H6PD: variants seen among roughly 807,000 people sequenced by gnomAD.
The protein encoded by H6PD is GDH/6PGL endoplasmic bifunctional protein.
A neutral mutation model predicts 61.2 loss-of-function variants in H6PD; 48 were observed. The observed-to-expected ratio is 0.78, with a 90% CI of 0.62 to 1.00. H6PD has a LOEUF of 1.00. Among genes scored for constraint, H6PD ranks in the 50% least tolerant of loss-of-function variants. The pLI is 0.00. For synonymous variants in H6PD, 480 were observed against 457.9 expected (o/e 1.05, Z -0.62); for missense variants, 1,093 against 1,065.0 (o/e 1.03, Z -0.37).
At position 9,264,669 on chromosome 1, in the gene H6PD, C is replaced by T; in HGVS notation, c.2176C>T (p.His726Tyr). Reference sequence around the variant, plus strand: ...GCTGACCACGAGCCCCTCCCAGCCACACCGCCGCATGAGCCTTAGCCTGCC... The same window carrying T: ...GCTGACCACGAGCCCCTCCCAGCCATACCGCCGCATGAGCCTTAGCCTGCC... The part of the protein sequence containing the change: ...VVLTTSPSQP[H>Y]RRMSLSLPLI... The change falls in exon 5 of 5, where the codon CAC (histidine) becomes TAC (tyrosine). Residue 726 changes from histidine (H) to tyrosine (Y), a missense_variant. Physicochemically the swap from His to Tyr is moderately conservative, Grantham distance 83. Coordinates refer to ENST00000377403, the MANE Select transcript of H6PD (RefSeq NM_004285.4). 2 of 1,613,248 alleles carry T rather than the reference C, an allele frequency of 1.2e-6. No homozygotes were observed. The highest frequency in any genetic ancestry group is 1.7e-6 in the Non-Finnish European group (2 of 1,179,978).
chr1:9,259,800 G>C (rs539551532), intron 3 of H6PD, among the ~76,000 whole-genome samples: 33 of 149,926 alleles, frequency 2.2e-4, no homozygotes, highest in African/African-American at 7.5e-4. Flanking sequence ...TTGTTATGTT[G>C]CTGTTGTTAC....
At position 9,262,296 on chromosome 1, in the gene H6PD, A is replaced by G. The variant is rs1328104017; in HGVS notation, c.983A>G (p.Asp328Gly). 3 of 1,607,686 alleles carry G rather than the reference A, an allele frequency of 1.9e-6. No individual in the cohort carries two copies. Among genetic ancestry groups the G allele is most frequent in the Non-Finnish European group, 2.5e-6 (3 of 1,177,260 alleles). The change falls in exon 4 of 5, where the codon GAC becomes GGC. Residue 328 changes from aspartate to glycine, a missense_variant. Transcript: ENST00000377403. ...EQVRRELQKPDSFHSLTPTFA... is the reference protein window; with the variant it reads ...EQVRRELQKPGSFHSLTPTFA... ...GTGCGCAGAGAGCTGCAGAAGCCAG[A>G]CAGCTTCCACAGCCTGACGCCGACC...
intron 1 of H6PD, among the ~76,000 whole-genome samples, chr1:9,243,759 G>A (rs1034477889): frequency 2.1e-4 from 30 of 144,638 alleles, no homozygotes; most frequent in Non-Finnish European, 3.9e-4. Flanking sequence ...TTGCTTACCT[G>A]GGAGAGGTTG....
chr1:9,247,225 C>G (rs936889407), intron 3 of H6PD, 142 bp downstream of exon 3: 1 of 669,976 alleles, frequency 1.5e-6, no homozygotes. Flanking sequence ...AGCTCTGAAC[C>G]GGGCTAAACC....
chr1:9,244,293 G>T (rs1471724025), intron 1 of H6PD, among the ~76,000 whole-genome samples: 1 of 152,192 alleles, frequency 6.6e-6, no homozygotes, highest in Non-Finnish European at 1.5e-5. Flanking sequence ...CCCATTTCAG[G>T]TGAGAAAACT....
Position 9,263,815 on chromosome 1 carries a change from G to A in H6PD, c.1322G>A (p.Ser441Asn). The A allele has an allele frequency of 6.2e-7, 1 of 1,613,950 alleles. No homozygotes were observed. Among genetic ancestry groups the A allele is most frequent in the Non-Finnish European group, 8.5e-7 (1 of 1,180,012 alleles). The change falls in exon 5 of 5, where the codon AGC (serine) becomes AAC (asparagine). Residue 441 changes from serine (S) to asparagine (N), a missense_variant. Physicochemically the swap from Ser to Asn is conservative, Grantham distance 46. Coordinates refer to ENST00000377403, the MANE Select transcript of H6PD (RefSeq NM_004285.4). The part of the protein sequence containing the change: ...EGPPGLRLFG[S>N]PLSDYYAYSP... ...CCACCTGGGCTCCGCCTTTTCGGCA[G>A]CCCTCTGTCCGATTACTACGCCTAC...
chr1:9,249,781 C>T (rs1641302517), intron 3 of H6PD, among the ~76,000 whole-genome samples: 1 of 152,194 alleles, frequency 6.6e-6, no homozygotes, highest in Non-Finnish European at 1.5e-5. Flanking sequence ...GTTTGGCCCT[C>T]ACTGGTTGGC....
Position 9,262,247 on chromosome 1 carries a change from C to T in H6PD, c.934C>T (p.Gln312Ter). The T allele has an allele frequency of 1.2e-6, 2 of 1,613,004 alleles. No individual in the cohort carries two copies. The highest frequency in any genetic ancestry group is 8.5e-7 in the Non-Finnish European group (1 of 1,179,478). Reference protein sequence around the residue: ...GLQRGSAVVGQYQSYSEQVRR... With the variant: ...GLQRGSAVVG ...GCAGAGGGGCAGTGCCGTCGTGGGC[C>T]AGTACCAGTCTTACAGTGAGCAGGT... Residue 312 changes from glutamine to a stop codon, truncating the protein, a stop_gained, in exon 4 of 5, where the codon CAG (glutamine) becomes TAG (stop). Coordinates refer to ENST00000377403, the MANE Select transcript of H6PD (RefSeq NM_004285.4). LOFTEE classifies it high-confidence loss of function.
intron 4 of H6PD, among the ~76,000 whole-genome samples, chr1:9,262,829 G>A (rs1176371168): frequency 1.3e-5 from 2 of 152,348 alleles, no homozygotes; most frequent in Admixed American, 1.3e-4. Flanking sequence ...CGCGCCGTAT[G>A]CCAGGTGCTT....
At chr1:9,250,794 G>A (rs895090030) in intron 3 of H6PD, among the ~76,000 whole-genome samples, 7 of 152,226 alleles carry the variant, frequency 4.6e-5, no homozygotes, top group South Asian at 2.1e-4. Context: ...CTGCAAGGTC[G>A]TTTGGATGTC....
chr1:9,253,363 T>C (rs1162406067), intron 3 of H6PD, among the ~76,000 whole-genome samples: 1 of 152,250 alleles, frequency 6.6e-6, no homozygotes, highest in African/African-American at 2.4e-5. Context: ...GCTACATTAA[T>C]GAATAGTAAG....
intron 1 of H6PD, chr1:9,239,857 C>G: frequency 2.1e-6 from 1 of 467,318 alleles, no homozygotes; most frequent in Non-Finnish European, 3.5e-6. Context: ...AGAAAACGCT[C>G]TGCGGCTAGA....
rs1641130262 is a variant in H6PD at position 9,245,209 on chromosome 1, C to G, written c.275C>G (p.Pro92Arg). 5.6e-6 allele frequency: 9 copies of G among 1,614,234 alleles called. No homozygotes were observed. Among genetic ancestry groups the G allele is most frequent in the Non-Finnish European group, 7.6e-6 (9 of 1,180,040 alleles). ...CTCTCCTGCCCCAAGGACATGGCAC[C>G]CAGTCACTGTGCAGAGCACAAGGAT... ...ESLSCPKDMA[P>R]SHCAEHKDQF... The change falls in exon 2 of 5, where the codon CCC becomes CGC. Residue 92 changes from proline (P) to arginine (R), a missense_variant. Pro to Arg is a moderately radical substitution (Grantham distance 103, BLOSUM62 -2). Transcript: ENST00000377403. The surrounding 1 kb of genome is among the most constrained non-coding windows in gnomAD (Gnocchi z 4.8).
chr1:9,249,003 G>C (rs553546372), intron 3 of H6PD, among the ~76,000 whole-genome samples: 1 of 152,362 alleles, frequency 6.6e-6, no homozygotes, highest in Admixed American at 6.5e-5. Context: ...CTGGTGCAGA[G>C]AGCCTAGAGC....
chr1:9,264,850 ACGACGC>A lies in H6PD; in HGVS notation c.2359_2364del (p.Asp787_Ala788del). 1 of 1,612,042 alleles carries A rather than the reference ACGACGC, an allele frequency of 6.2e-7. No homozygotes were observed. Among genetic ancestry groups the A allele is most frequent in the Non-Finnish European group, 8.5e-7 (1 of 1,180,008 alleles). Reference sequence around the variant, plus strand: ...GGCCAGCTGGTGTGGTACATGGACTACGACGCCTTCCTGGGATGAGGGCGCCTGTGC... The same window carrying A: ...GGCCAGCTGGTGTGGTACATGGACTACTTCCTGGGATGAGGGCGCCTGTGC... On this transcript the variant is annotated inframe_deletion, in exon 5 of 5. Transcript: ENST00000377403.
chr1:9,245,284 A>C lies in H6PD; in HGVS notation c.350A>C (p.Tyr117Ser). Residue 117 changes from tyrosine to serine, a missense_variant, in exon 2 of 5, where the codon TAT becomes TCT. By Grantham distance (144) the Tyr-to-Ser change is moderately radical (BLOSUM62 -2). Coordinates refer to ENST00000377403, the MANE Select transcript of H6PD (RefSeq NM_004285.4). This position sits in a 1 kb window ranked among gnomAD's most constrained non-coding sequence, Gnocchi z 4.8. Reference protein sequence around the residue: ...QYRQLKTAEDYQALNKDIEAQ... With the variant: ...QYRQLKTAEDSQALNKDIEAQ... ...CGCCAACTGAAGACGGCCGAGGACT[A>C]TCAGGCCCTGAACAAGGACATCGAG... The C allele has an allele frequency of 1.2e-6, 2 of 1,614,234 alleles. No homozygotes were observed. The highest frequency in any genetic ancestry group is 1.7e-6 in the Non-Finnish European group (2 of 1,180,040).
chr1:9,259,476 G>A (rs1052972421), intron 3 of H6PD, among the ~76,000 whole-genome samples: 1 of 152,110 alleles, frequency 6.6e-6, no homozygotes, highest in Non-Finnish European at 1.5e-5. Context: ...TGTTATGCTG[G>A]TGTTGTTATA....
At position 9,263,557 on chromosome 1, in the gene H6PD, T is replaced by C; in HGVS notation, c.1064T>C (p.Ile355Thr). Residue 355 changes from isoleucine to threonine, a missense_variant, in exon 5 of 5, where the codon ATC (isoleucine) becomes ACC (threonine). Transcript: ENST00000377403. ...CTTCGCTGGGAGGGCGTGCCTTTCA[T>C]CCTGATGTCTGGCAAAGCCTTGGAC... is the stretch of plus-strand genomic sequence containing the variant. ...DNLRWEGVPF[I>T]LMSGKALDER... 4 of 1,614,164 alleles carry C rather than the reference T, an allele frequency of 2.5e-6. No individual in the cohort carries two copies. Among genetic ancestry groups the C allele is most frequent in the Non-Finnish European group, 3.4e-6 (4 of 1,179,996 alleles).
intron 4 of H6PD, among the ~76,000 whole-genome samples, chr1:9,263,039 C>G (rs1042746074): frequency 1.3e-5 from 2 of 152,158 alleles, no homozygotes; most frequent in Non-Finnish European, 2.9e-5. Context: ...CCACGGGCCT[C>G]TGCTTGGTGA....
Sources: gnomAD v4.1 joint callset for allele counts (sites outside exome capture counted in the v4.1 genomes callset) on GRCh38, gnomAD v4.1.1 for gene constraint, Gnocchi (gnomAD v3.1) non-coding constraint, MANE v1.5 for transcripts, NCBI Gene and HGNC (gene_info 2026-07-23, HGNC 2026-07-21) for gene names.